VMP1: variants seen among roughly 807,000 people sequenced by gnomAD.
VMP1 encodes ectopic P-granules autophagy protein 3 homolog.
VMP1 carries 11 observed loss-of-function variants against 56.0 expected under a neutral mutation model. The observed-to-expected ratio is 0.20, with a 90% CI of 0.12 to 0.32. VMP1 has a LOEUF of 0.32. Among genes scored for constraint, VMP1 ranks in the 10% least tolerant of loss-of-function variants. The probability of loss-of-function intolerance (pLI) is 1.00; values close to 1 mark genes in which losing one functional copy is unlikely to be tolerated. For synonymous variants in VMP1, 149 were observed against 165.0 expected, an observed-to-expected ratio of 0.90 and a Z score of 0.74; for missense variants, 296 against 490.3, an observed-to-expected ratio of 0.60 and a Z score of 3.74.
chr17:59,823,445 CTCA>C (rs1222161384), intron 10 of VMP1, among the ~76,000 whole-genome samples: 1 of 79,944 alleles, frequency 1.3e-5, no homozygotes, highest in Non-Finnish European at 2.9e-5. Flanking sequence ...TGAGATATGT[CTCA>C]AAAAAAAAAA....
intron 7 of VMP1, among the ~76,000 whole-genome samples, chr17:59,793,650 G>A (rs1174292474): frequency 1.7e-5 from 2 of 115,264 alleles, no homozygotes; most frequent in Admixed American, 1.8e-4. Context: ...TTTTTGAGAT[G>A]GAGTCTTGCT....
At chr17:59,797,156 ACC>A (rs35957291) in intron 7 of VMP1, among the ~76,000 whole-genome samples, 7,432 of 141,368 alleles carry the variant, frequency 0.053, 624 homozygotes, top group African/African-American at 0.18. Context: ...GCATGGTGAA[ACC>A]CCCCCCCCGT....
At chr17:59,833,627 C>A (rs1313594020) in intron 10 of VMP1, among the ~76,000 whole-genome samples, 1 of 152,220 alleles carries the variant, frequency 6.6e-6, no homozygotes, top group African/African-American at 2.4e-5. Flanking sequence ...TCAGCATTAT[C>A]CTCAAGATAA....
At chr17:59,816,436 T>C (rs192658829) in intron 9 of VMP1, among the ~76,000 whole-genome samples, 1 of 152,370 alleles carries the variant, frequency 6.6e-6, no homozygotes, top group African/African-American at 2.4e-5. Flanking sequence ...TTTGCCTTAT[T>C]AGTCTTCTTG....
chr17:59,835,835 TA>T (rs2038963813), intron 10 of VMP1, among the ~76,000 whole-genome samples: 1 of 149,050 alleles, frequency 6.7e-6, no homozygotes, highest in Non-Finnish European at 1.5e-5. Flanking sequence ...TGCATATATT[TA>T]TATACACAAA....
chr17:59,816,332 C>G (rs1445819061), intron 9 of VMP1, among the ~76,000 whole-genome samples: 1 of 152,206 alleles, frequency 6.6e-6, no homozygotes, highest in Non-Finnish European at 1.5e-5. Flanking sequence ...CTCTAAATAA[C>G]TGGTTTTTGG....
chr17:59,713,966 G>A (rs751947886), intron 1 of VMP1, among the ~76,000 whole-genome samples: 4 of 150,402 alleles, frequency 2.7e-5, no homozygotes, highest in Admixed American at 6.6e-5. Flanking sequence ...GCTTGAACCC[G>A]GGAGGCAGAG....
chr17:59,773,989 A>G, intron 7 of VMP1, 104 bp downstream of exon 7: 1 of 171,518 alleles, frequency 5.8e-6, no homozygotes, highest in Non-Finnish European at 1.1e-5. Context: ...CTGCTAAAGT[A>G]AAAAAAAAAA....
At chr17:59,736,154 T>TA (rs2035006771) in intron 3 of VMP1, among the ~76,000 whole-genome samples, 1 of 152,188 alleles carries the variant, frequency 6.6e-6, no homozygotes, top group Admixed American at 6.5e-5. Flanking sequence ...GGCTCACACC[T>TA]ATAATCCCAG....
At chr17:59,744,462 CAAAAAAAAAAA>C (rs60407542) in intron 5 of VMP1, among the ~76,000 whole-genome samples, 1 of 53,870 alleles carries the variant, frequency 1.9e-5, no homozygotes, top group Non-Finnish European at 3.9e-5. Context: ...AATTCCATCT[CAAAAAAAAAAA>C]AAAAAAAAAA....
intron 7 of VMP1, among the ~76,000 whole-genome samples, chr17:59,797,564 A>G (rs570106099): frequency 6.6e-6 from 1 of 152,142 alleles, no homozygotes; most frequent in Non-Finnish European, 1.5e-5. Flanking sequence ...AAAAGAGGAC[A>G]TACTGTATAA....
At chr17:59,799,281 G>T (rs2037554525) in intron 7 of VMP1, among the ~76,000 whole-genome samples, 1 of 152,108 alleles carries the variant, frequency 6.6e-6, no homozygotes, top group Admixed American at 6.6e-5. Flanking sequence ...ATGTGTTCAT[G>T]TGATGTATTC....
intron 7 of VMP1, among the ~76,000 whole-genome samples, chr17:59,790,080 A>G (rs1302974712): frequency 1.3e-5 from 2 of 151,694 alleles, no homozygotes; most frequent in Non-Finnish European, 1.5e-5. Flanking sequence ...ACCTCAGGTG[A>G]TCCGCCCACC....
intron 6 of VMP1, among the ~76,000 whole-genome samples, chr17:59,771,239 C>CA (rs1461832723): frequency 1.3e-5 from 2 of 151,056 alleles, no homozygotes; most frequent in Non-Finnish European, 2.9e-5. Flanking sequence ...GTGGCACAAT[C>CA]ACAGCTCACT....
chr17:59,776,049 C>CA (rs2036607874), intron 7 of VMP1, among the ~76,000 whole-genome samples: 1 of 151,836 alleles, frequency 6.6e-6, no homozygotes, highest in South Asian at 2.1e-4. Flanking sequence ...CTCATCTCTA[C>CA]AAAAAATGAA....
At chr17:59,723,467 A>G (rs960611595) in intron 1 of VMP1, among the ~76,000 whole-genome samples, 2 of 152,240 alleles carry the variant, frequency 1.3e-5, no homozygotes, top group Non-Finnish European at 2.9e-5. Context: ...CAGCGAAGGT[A>G]AGAGATTCAG....
At chr17:59,789,572 C>T (rs1487132013) in intron 7 of VMP1, among the ~76,000 whole-genome samples, 1 of 151,600 alleles carries the variant, frequency 6.6e-6, no homozygotes, top group Non-Finnish European at 1.5e-5. Flanking sequence ...CAACAGACTA[C>T]TTACGCTTCG....
At chr17:59,770,523 T>C (rs1223265306) in intron 6 of VMP1, among the ~76,000 whole-genome samples, 1 of 152,092 alleles carries the variant, frequency 6.6e-6, no homozygotes, top group African/African-American at 2.4e-5. Flanking sequence ...TAAAAGAAAC[T>C]GTAGTAGTCT....
At chr17:59,747,525 T>TCAG (rs1231758747) in intron 5 of VMP1, among the ~76,000 whole-genome samples, 1 of 151,314 alleles carries the variant, frequency 6.6e-6, no homozygotes, top group East Asian at 1.9e-4. Flanking sequence ...TTCTCCTGCC[T>TCAG]CAGCTTAGCA....
Sources: gnomAD v4.1 joint callset for allele counts (sites outside exome capture counted in the v4.1 genomes callset) on GRCh38, gnomAD v4.1.1 for gene constraint, MANE v1.5 for transcripts, NCBI Gene and HGNC (gene_info 2026-07-23, HGNC 2026-07-21) for gene names.